ROBO1: variants seen among roughly 807,000 people sequenced by gnomAD.
The protein encoded by ROBO1 is roundabout guidance receptor 1, also known as roundabout homolog 1.
Under a neutral mutation model 195.9 loss-of-function variants are expected in ROBO1, and 149 were observed. That is an observed-to-expected ratio of 0.76 (90% confidence interval 0.67 to 0.87). The LOEUF is 0.87. Among genes scored for constraint, ROBO1 ranks in the 40% least tolerant of loss-of-function variants. ROBO1 has a pLI of 0.00. For missense variants in ROBO1, 1,933 were observed against 2,068.3 expected, an observed-to-expected ratio of 0.93 and a Z score of 1.27; for synonymous variants, 816 against 733.2, an observed-to-expected ratio of 1.11 and a Z score of -1.82.
chr3:79,173,956 G>T (rs1001165485), intron 2 of ROBO1, among the ~76,000 whole-genome samples: 2 of 152,158 alleles, frequency 1.3e-5, no homozygotes, highest in African/African-American at 4.8e-5. Context: ...CTACTCTGGT[G>T]GGGACTTGGA....
In ROBO1 at chr3:78,874,553, G is replaced by A. The variant is rs537129673; in HGVS notation, c.499+64048C>T. ...AGTACTAGAGAGGCTAAAAATGCAG[G>A]GGCAAATAAATCTTTGAAAACTTTA... On this transcript the variant is annotated intron_variant, in intron 4 of 30. Transcript: ENST00000464233. Among the ~76,000 whole-genome samples the A allele has an allele frequency of 9.2e-5, 14 of 151,594 alleles. No individual in the cohort carries two copies. The South Asian group carries it at 2.7e-3, about 29-fold the overall frequency.
At chr3:79,664,316 C>T (rs547088203) in intron 1 of ROBO1, among the ~76,000 whole-genome samples, 3 of 151,900 alleles carry the variant, frequency 2.0e-5, no homozygotes, top group Non-Finnish European at 2.9e-5. Flanking sequence ...CTTTTTATTT[C>T]GATAAGTCTG....
chr3:79,479,872 T>C (rs1398989094), intron 2 of ROBO1, among the ~76,000 whole-genome samples: 2 of 152,192 alleles, frequency 1.3e-5, no homozygotes, highest in Non-Finnish European at 2.9e-5. Context: ...GTTATTGTGC[T>C]ATATTTAGTC....
intron 2 of ROBO1, among the ~76,000 whole-genome samples, chr3:79,589,089 A>C (rs1943917581): frequency 6.6e-6 from 1 of 151,792 alleles, no homozygotes; most frequent in Middle Eastern, 3.4e-3. Flanking sequence ...AACTTGGCTA[A>C]ATTTTGACAT....
At chr3:79,254,474 ATT>A (rs2082791398) in intron 2 of ROBO1, among the ~76,000 whole-genome samples, 1 of 152,002 alleles carries the variant, frequency 6.6e-6, no homozygotes, top group African/African-American at 2.4e-5. Context: ...ACACTCACAC[ATT>A]CACACACTCA....
intron 2 of ROBO1, among the ~76,000 whole-genome samples, chr3:79,300,367 G>A (rs2032853632): frequency 6.6e-6 from 1 of 152,232 alleles, no homozygotes; most frequent in Non-Finnish European, 1.5e-5. Flanking sequence ...ACCCAGGCCA[G>A]CAGCTGCGGA....
chr3:78,886,323 G>A (rs1027622329), intron 4 of ROBO1, among the ~76,000 whole-genome samples: 3 of 151,978 alleles, frequency 2.0e-5, no homozygotes, highest in South Asian at 2.1e-4. Context: ...GTGGCCAGGC[G>A]CAGTGGCTCA....
chr3:79,465,293 T>G (rs1937899222), intron 2 of ROBO1, among the ~76,000 whole-genome samples: 1 of 152,184 alleles, frequency 6.6e-6, no homozygotes, highest in African/African-American at 2.4e-5. Flanking sequence ...TAGGTGGATC[T>G]CTAAACTGTC....
chr3:79,690,952 A>T (rs9631514), intron 1 of ROBO1, among the ~76,000 whole-genome samples: 91,613 of 151,674 alleles, frequency 0.6, 27,904 homozygotes, highest in South Asian at 0.7. Flanking sequence ...GGCTGTCTAC[A>T]ATGTTCCAGG....
At chr3:79,612,778 C>T (rs1944700989) in intron 1 of ROBO1, among the ~76,000 whole-genome samples, 2 of 7,286 alleles carry the variant, frequency 2.7e-4, no homozygotes, top group Admixed American at 1.5e-3. Context: ...CTCTGATGGC[C>T]AGTGATGATG....
intron 3 of ROBO1, among the ~76,000 whole-genome samples, chr3:79,013,963 C>T (rs750271238): frequency 2.0e-5 from 3 of 152,034 alleles, no homozygotes; most frequent in Admixed American, 1.3e-4. Context: ...CAGAAGGTAA[C>T]TACTTGGTGT....
chr3:79,429,333 C>G (rs1207993416), intron 2 of ROBO1, among the ~76,000 whole-genome samples: 1 of 152,000 alleles, frequency 6.6e-6, no homozygotes, highest in African/African-American at 2.4e-5. Flanking sequence ...TGAGATGTTG[C>G]TTTTTGAGCT....
intron 8 of ROBO1, among the ~76,000 whole-genome samples, chr3:78,705,745 G>A (rs1472099915): frequency 6.6e-6 from 1 of 152,076 alleles, no homozygotes. Context: ...TCCGTTGAGG[G>A]TCCAGGTAGA....
At chr3:78,663,114 T>C (rs559261503) in intron 14 of ROBO1, among the ~76,000 whole-genome samples, 1 of 152,108 alleles carries the variant, frequency 6.6e-6, no homozygotes, top group Admixed American at 6.6e-5. Context: ...ATGAGAATTT[T>C]AGTTTAATGA....
chr3:79,399,123 C>T (rs375482334), intron 2 of ROBO1, among the ~76,000 whole-genome samples: 263 of 152,186 alleles, frequency 1.7e-3, no homozygotes, highest in African/African-American at 6.0e-3. Flanking sequence ...TGGTCCCTTA[C>T]TATGTATGCT....
intron 2 of ROBO1, among the ~76,000 whole-genome samples, chr3:79,220,622 G>A (rs1559744508): frequency 2.6e-5 from 4 of 151,940 alleles, no homozygotes; most frequent in Admixed American, 2.0e-4. Flanking sequence ...GGGTGAGGGG[G>A]TTATTCTCTC....
intron 3 of ROBO1, among the ~76,000 whole-genome samples, chr3:78,950,427 C>T (rs979941367): frequency 4.8e-5 from 7 of 146,510 alleles, no homozygotes; most frequent in East Asian, 2.0e-4. Flanking sequence ...AACCAAACAC[C>T]GCATGTTCTC....
intron 5 of ROBO1, among the ~76,000 whole-genome samples, chr3:78,745,610 A>G (rs3773246): frequency 4.6e-5 from 7 of 152,282 alleles, no homozygotes; most frequent in East Asian, 1.9e-4. Context: ...CCAAAAACCA[A>G]TGTTTCCCCA....
chr3:79,399,941 T>C (rs2037300096), intron 2 of ROBO1, among the ~76,000 whole-genome samples: 1 of 152,158 alleles, frequency 6.6e-6, no homozygotes, highest in Non-Finnish European at 1.5e-5. Flanking sequence ...CATTGCTGAT[T>C]CGCTCACACT....
Sources: gnomAD v4.1 joint callset for allele counts (sites outside exome capture counted in the v4.1 genomes callset) on GRCh38, gnomAD v4.1.1 for gene constraint, MANE v1.5 for transcripts, NCBI Gene and HGNC (gene_info 2026-07-23, HGNC 2026-07-21) for gene names.